Variants in GABRB3 observed in about 807,000 individuals in gnomAD.
GABRB3 encodes the protein gamma-aminobutyric acid receptor subunit beta-3.
Under a neutral mutation model 52.1 loss-of-function variants are expected in GABRB3, and 14 were observed. The ratio of observed to expected loss-of-function variants is 0.27; its 90% confidence interval spans 0.18 to 0.42. The LOEUF is 0.42. Ranked by LOEUF, GABRB3 falls within the 10% of genes least tolerant of loss-of-function variation. GABRB3 has a pLI of 1.00. For missense variants in GABRB3, 307 were observed against 609.1 expected (o/e 0.50, Z 5.22); for synonymous variants, 260 against 232.3 (o/e 1.12, Z -1.08).
intron 3 of GABRB3, among the ~76,000 whole-genome samples, chr15:26,756,339 G>A (rs1890659102): frequency 6.6e-6 from 1 of 151,848 alleles, no homozygotes; most frequent in South Asian, 2.1e-4. Flanking sequence ...GGAAACCGAG[G>A]CGGGTGGATC....
At chr15:26,617,981 G>A (rs1371082815) in intron 4 of GABRB3, among the ~76,000 whole-genome samples, 2 of 152,032 alleles carry the variant, frequency 1.3e-5, no homozygotes, top group Non-Finnish European at 2.9e-5. Flanking sequence ...CCTCTTCAAG[G>A]AGAACTACAA....
In GABRB3 at chr15:26,642,964, A is replaced by C. The variant is rs143748631; in HGVS notation, c.241-21430T>G. On this transcript the variant is annotated intron_variant, in intron 3 of 8. Transcript: ENST00000311550. ...CTCAGTCCCTCGGGGCTTCCCTGCT[A>C]CTCTCCTCACACGGCCCTCCTCTGT... Among the ~76,000 whole-genome samples the C allele has an allele frequency of 8.9e-3, 1,353 of 151,408 alleles. 25 individuals carry two copies. The highest frequency in any genetic ancestry group is 0.032 in the African/African-American group (1,303 of 41,234).
chr15:26,615,433 A>G (rs1185248652), intron 4 of GABRB3: 1 of 986,390 alleles, frequency 1.0e-6, no homozygotes, highest in Non-Finnish European at 1.2e-6. Context: ...TGGTAAGAAG[A>G]GCAAGCTAGT....
At chr15:26,587,418 A>G (rs1377045228) in intron 4 of GABRB3, among the ~76,000 whole-genome samples, 2 of 152,182 alleles carry the variant, frequency 1.3e-5, no homozygotes, top group Non-Finnish European at 2.9e-5. Flanking sequence ...AGCTGGGATA[A>G]AAAGGCAAAA....
chr15:26,625,237 T>A (rs916118211), intron 3 of GABRB3, among the ~76,000 whole-genome samples: 1 of 151,922 alleles, frequency 6.6e-6, no homozygotes, highest in Non-Finnish European at 1.5e-5. Context: ...TGAAAGGATG[T>A]CTCTGAGCAT....
chr15:26,642,698 C>T (rs895759364), intron 3 of GABRB3, among the ~76,000 whole-genome samples: 7 of 151,236 alleles, frequency 4.6e-5, no homozygotes, highest in Non-Finnish European at 1.0e-4. Context: ...TAGATAGCTG[C>T]ACTGATACAC....
chr15:26,766,344 T>C (rs1201840587), intron 3 of GABRB3, among the ~76,000 whole-genome samples: 1 of 152,230 alleles, frequency 6.6e-6, no homozygotes, highest in African/African-American at 2.4e-5. Context: ...TGAATTCAGA[T>C]GGTATTACTT....
intron 4 of GABRB3, among the ~76,000 whole-genome samples, chr15:26,617,423 A>G (rs1173294849): frequency 6.6e-6 from 1 of 152,252 alleles, no homozygotes; most frequent in Non-Finnish European, 1.5e-5. Context: ...CCACATGATT[A>G]TCTCAATAGA....
intron 5 of GABRB3, 50 bp from the exon 6 acceptor site, chr15:26,580,506 T>C (rs765746954): frequency 6.2e-7 from 1 of 1,611,602 alleles, no homozygotes; most frequent in South Asian, 1.1e-5. Context: ...TTCGTATAAA[T>C]GCACGGCTAA....
chr15:26,633,658 C>G (rs1015303978), intron 3 of GABRB3, among the ~76,000 whole-genome samples: 1 of 152,152 alleles, frequency 6.6e-6, no homozygotes, highest in Non-Finnish European at 1.5e-5. Flanking sequence ...GAGCAATATC[C>G]GCAGTTCCCA....
chr15:26,702,684 GA>G (rs1888974625), intron 3 of GABRB3, among the ~76,000 whole-genome samples: 2 of 152,166 alleles, frequency 1.3e-5, no homozygotes, highest in South Asian at 4.1e-4. Flanking sequence ...CTTACCATAT[GA>G]TCCAGCCAAT....
intron 4 of GABRB3, among the ~76,000 whole-genome samples, chr15:26,620,051 T>C (rs1223593539): frequency 6.6e-6 from 1 of 152,156 alleles, no homozygotes; most frequent in Non-Finnish European, 1.5e-5. Context: ...CATTCTACAT[T>C]CCCAGGACTT....
chr15:26,753,028 T>A (rs1642400601), intron 3 of GABRB3, among the ~76,000 whole-genome samples: 1 of 152,152 alleles, frequency 6.6e-6, no homozygotes, highest in Admixed American at 6.5e-5. Context: ...GAAAGCTAAA[T>A]CTTGTTTCTT....
intron 6 of GABRB3, 133 bp from the exon 7 acceptor site, chr15:26,567,866 T>C: frequency 1.2e-6 from 1 of 826,806 alleles, no homozygotes; most frequent in African/African-American, 1.7e-5. Flanking sequence ...CACCAAGCAG[T>C]TTGCTTCTGT....
At chr15:26,620,521 G>A (rs1892443871) in intron 4 of GABRB3, among the ~76,000 whole-genome samples, 1 of 152,192 alleles carries the variant, frequency 6.6e-6, no homozygotes, top group African/African-American at 2.4e-5. Context: ...CACTGCTAGA[G>A]GGTCTCAAGG....
Position 26,643,703 on chromosome 15 carries a change from C to T in GABRB3, c.241-22169G>A, listed in dbSNP as rs529416468. Among the ~76,000 whole-genome samples the T allele has an allele frequency of 4.7e-4, 72 of 152,102 alleles. 1 individual carries two copies. Among genetic ancestry groups the T allele is most frequent in the Non-Finnish European group, 7.1e-4 (48 of 68,010 alleles). ...AAGTCCCCGTGTGACCTCAGTCTGA[C>T]CTCCAAAGTGCAAACTTTCCTCCTC... is the stretch of plus-strand genomic sequence containing the variant. On this transcript the variant is annotated intron_variant, in intron 3 of 8. Transcript: ENST00000311550.
At chr15:26,570,583 T>A (rs1257889482) in intron 6 of GABRB3, among the ~76,000 whole-genome samples, 1 of 152,230 alleles carries the variant, frequency 6.6e-6, no homozygotes, top group Non-Finnish European at 1.5e-5. Flanking sequence ...TTAACTTCAG[T>A]TTTATTTTCC....
In GABRB3 at chr15:26,740,638, C is replaced by T. The variant is rs750878143; in HGVS notation, c.240+31764G>A. On this transcript the variant is annotated intron_variant, in intron 3 of 8. Coordinates refer to ENST00000311550, the MANE Select transcript of GABRB3 (RefSeq NM_000814.6). ...GGCACCCCAGGAAGCCTCCCTGTCT[C>T]CACAGCTGAGGCTTGGCTCTCCCTC... Among the ~76,000 whole-genome samples, 4 of 152,198 alleles carry T rather than the reference C, an allele frequency of 2.6e-5. No individual in the cohort carries two copies. In the East Asian group the frequency reaches 5.8e-4, roughly 22 times the overall value.
At chr15:26,679,938 C>T (rs1365595624) in intron 3 of GABRB3, among the ~76,000 whole-genome samples, 1 of 152,186 alleles carries the variant, frequency 6.6e-6, no homozygotes. Flanking sequence ...CTATTTCTTT[C>T]ATAATCTGGT....
Sources: allele counts gnomAD v4.1 joint callset (sites outside exome capture counted in the v4.1 genomes callset), GRCh38; gene constraint gnomAD v4.1.1; transcripts MANE v1.5; gene names NCBI Gene and HGNC (gene_info 2026-07-23, HGNC 2026-07-21).